FBXL20: variants seen among roughly 807,000 people sequenced by gnomAD.
The protein encoded by FBXL20 is F-box and leucine rich repeat protein 20.
Under a neutral mutation model 64.0 loss-of-function variants are expected in FBXL20, and 11 were observed. The observed-to-expected ratio is 0.17, with a 90% CI of 0.11 to 0.28. The LOEUF is 0.28. Ranked by LOEUF, FBXL20 falls within the 10% of genes least tolerant of loss-of-function variation. FBXL20 has a pLI of 1.00. For missense variants in FBXL20, 303 were observed against 526.2 expected (o/e 0.58, Z 4.15); for synonymous variants, 184 against 189.0 (o/e 0.97, Z 0.22).
intron 2 of FBXL20, among the ~76,000 whole-genome samples, chr17:39,320,116 TA>T (rs1393109403): frequency 6.6e-6 from 1 of 152,184 alleles, no homozygotes; most frequent in Non-Finnish European, 1.5e-5. Context: ...GTTTCTTATA[TA>T]AACTAGTTTT....
chr17:39,301,268 A>G (rs2047132161), intron 3 of FBXL20, among the ~76,000 whole-genome samples, 193 bp from the exon 4 acceptor site: 2 of 152,188 alleles, frequency 1.3e-5, no homozygotes, highest in South Asian at 4.1e-4. Flanking sequence ...ATAATCTCAT[A>G]AACGAGTGGG....
intron 2 of FBXL20, among the ~76,000 whole-genome samples, chr17:39,315,602 G>A (rs528058071): frequency 9.9e-5 from 15 of 151,710 alleles, no homozygotes; most frequent in Admixed American, 7.3e-4. Context: ...CCCTTGAGGA[G>A]GGTGACCTAG....
At chr17:39,372,999 TTTC>T (rs1368960752) in intron 1 of FBXL20, among the ~76,000 whole-genome samples, 1 of 151,956 alleles carries the variant, frequency 6.6e-6, no homozygotes, top group Non-Finnish European at 1.5e-5. Flanking sequence ...ACTACTTATT[TTTC>T]TTTTCTTTTT....
rs35951856 is a variant in FBXL20 at position 39,264,361 on chromosome 17, T to C, written c.1017A>G (p.Thr339=). ...TCCCCAGGTGACGAATTCCATCATC[T>C]GTGATCAGCTCACAGTGAGACAGAC... ...VLSLSHCELI[T]DDGIRHLGNG... Residue 339 remains threonine (T), a synonymous_variant, in exon 14 of 15, where the codon ACA becomes ACG. Coordinates refer to ENST00000264658, the MANE Select transcript of FBXL20 (RefSeq NM_032875.3). The C allele has an allele frequency of 2.6e-4, 420 of 1,613,634 alleles. No individual in the cohort carries two copies. In the African/African-American group the frequency reaches 5.1e-3, roughly 20 times the overall value.
chr17:39,393,216 G>C (rs1293444077), intron 1 of FBXL20, among the ~76,000 whole-genome samples: 1 of 152,062 alleles, frequency 6.6e-6, no homozygotes, highest in Admixed American at 6.6e-5. Flanking sequence ...TTGAACCCAG[G>C]AGGCAGAGGT....
rs200579720 is a variant in FBXL20, at chr17:39,302,943, G to A, written c.159+642C>T. ...TTTTTTTTTTTTGAGACAGAGTCTC[G>A]CTCTGTCGCCCAGGGTAGAGTGCAG... On this transcript the variant is annotated intron_variant, in intron 3 of 14. Coordinates refer to ENST00000264658, the MANE Select transcript of FBXL20 (RefSeq NM_032875.3). Among the ~76,000 whole-genome samples the A allele has an allele frequency of 6.6e-5, 10 of 150,888 alleles. No homozygotes were observed. In the East Asian group the frequency reaches 9.7e-4, roughly 15 times the overall value.
intron 2 of FBXL20, among the ~76,000 whole-genome samples, chr17:39,337,554 C>T (rs1204984768): frequency 4.0e-5 from 6 of 149,452 alleles, no homozygotes; most frequent in African/African-American, 7.4e-5. Context: ...GCCTCTGCCC[C>T]GCCGCCCCGT....
At chr17:39,288,266 G>A (rs2047006790) in intron 6 of FBXL20, among the ~76,000 whole-genome samples, 1 of 151,940 alleles carries the variant, frequency 6.6e-6, no homozygotes, top group South Asian at 2.1e-4. Flanking sequence ...CACCGCACCT[G>A]GTGTAAATAC....
intron 1 of FBXL20, among the ~76,000 whole-genome samples, chr17:39,377,105 G>A (rs1474581572): frequency 6.6e-6 from 1 of 152,118 alleles, no homozygotes; most frequent in African/African-American, 2.4e-5. Context: ...TAGAAATTAT[G>A]GTTTAGGAGT....
intron 7 of FBXL20, among the ~76,000 whole-genome samples, chr17:39,283,410 G>C (rs971966468): frequency 6.6e-6 from 1 of 151,826 alleles, no homozygotes; most frequent in African/African-American, 2.4e-5. Flanking sequence ...AAAAGTTTGG[G>C]ATTTTGAAGC....
At chr17:39,385,327 A>ACACG (rs1237580948) in intron 1 of FBXL20, among the ~76,000 whole-genome samples, 2 of 152,034 alleles carry the variant, frequency 1.3e-5, no homozygotes, top group African/African-American at 4.8e-5. Context: ...TAGAAAACAC[A>ACACG]CACACACACA....
rs74804194 is a variant in FBXL20, at chr17:39,294,156, T to A, written c.398+2971A>T. On this transcript the variant is annotated intron_variant, in intron 6 of 14. Coordinates refer to ENST00000264658, the MANE Select transcript of FBXL20 (RefSeq NM_032875.3). ...GAAGTCTACTTGGATTTTTTTTTTT[T>A]AAGACATAGGGTCTCACTATGTTGG... Among the ~76,000 whole-genome samples the A allele has an allele frequency of 9.2e-3, 1,390 of 151,878 alleles. 6 individuals carry two copies. The highest frequency in any genetic ancestry group is 0.017 in the Middle Eastern group (5 of 294).
At chr17:39,378,971 T>C (rs1341177641) in intron 1 of FBXL20, among the ~76,000 whole-genome samples, 1 of 146,098 alleles carries the variant, frequency 6.8e-6, no homozygotes, top group African/African-American at 2.5e-5. Flanking sequence ...CTCACGCCTG[T>C]AATCCCAGCA....
intron 1 of FBXL20, among the ~76,000 whole-genome samples, chr17:39,349,986 T>G (rs571547620): frequency 6.7e-6 from 1 of 149,804 alleles, no homozygotes; most frequent in Admixed American, 6.6e-5. Flanking sequence ...GCCCAAAAAA[T>G]TATTTAAAAT....
intron 1 of FBXL20, among the ~76,000 whole-genome samples, chr17:39,391,406 A>G (rs2048132515): frequency 6.6e-6 from 1 of 152,184 alleles, no homozygotes; most frequent in African/African-American, 2.4e-5. Context: ...TGACTATCTA[A>G]TCTCTCTCCA....
intron 1 of FBXL20, among the ~76,000 whole-genome samples, chr17:39,356,113 G>A (rs1187589196): frequency 6.7e-6 from 1 of 150,248 alleles, no homozygotes; most frequent in African/African-American, 2.5e-5. Context: ...TACTTGGGAG[G>A]CTGAGGCAGA....
At chr17:39,366,052 A>G (rs2047857052) in intron 1 of FBXL20, among the ~76,000 whole-genome samples, 1 of 151,916 alleles carries the variant, frequency 6.6e-6, no homozygotes, top group Non-Finnish European at 1.5e-5. Context: ...CTGGCTATTC[A>G]CAGGAGCGAT....
chr17:39,335,893 TA>T (rs1342700405), intron 2 of FBXL20, among the ~76,000 whole-genome samples: 1 of 152,100 alleles, frequency 6.6e-6, no homozygotes, highest in Non-Finnish European at 1.5e-5. Context: ...GTAATCCTAA[TA>T]CTTCGTGAGG....
chr17:39,287,783 G>A (rs585961), intron 6 of FBXL20, among the ~76,000 whole-genome samples: 56,181 of 151,720 alleles, frequency 0.37, 13,094 homozygotes, highest in African/African-American at 0.66. Context: ...ACTTTGAAGA[G>A]AACTGCCAAA....
Sources: allele counts gnomAD v4.1 joint callset (sites outside exome capture counted in the v4.1 genomes callset), GRCh38; gene constraint gnomAD v4.1.1; transcripts MANE v1.5; gene names NCBI Gene and HGNC (gene_info 2026-07-23, HGNC 2026-07-21).